Variants in TMEM52B observed in about 807,000 individuals in gnomAD.
TMEM52B encodes the protein transmembrane protein 52B.
In TMEM52B, 11 loss-of-function variants were observed where a neutral mutation model predicts 16.1. The observed-to-expected ratio is 0.68, with a 90% CI of 0.43 to 1.13. The LOEUF (loss-of-function observed/expected upper bound fraction) is 1.13. Among genes scored for constraint, TMEM52B ranks in the 50% most tolerant of loss-of-function variants. The pLI is 0.00. For missense variants in TMEM52B, 243 were observed against 230.4 expected (o/e 1.05, Z -0.35); for synonymous variants, 101 against 93.8 (o/e 1.08, Z -0.45).
At chr12:10,178,132 T>G (rs1948781674), upstream of TMEM52B, among the ~76,000 whole-genome samples, 1 of 151,842 alleles carries the variant, frequency 6.6e-6, no homozygotes, top group Admixed American at 6.6e-5. Context: ...CTGGCCGAAG[T>G]TATCAGCCCG....
At chr12:10,173,550 G>GA (rs1565424159) in intron 1 of TMEM52B, among the ~76,000 whole-genome samples, 2 of 146,796 alleles carry the variant, frequency 1.4e-5, no homozygotes, top group African/African-American at 5.4e-5. Context: ...GAAGCTGAGG[G>GA]GGGGGGTGGA....
chr12:10,176,062 A>G (rs746207048), upstream of TMEM52B, among the ~76,000 whole-genome samples: 2 of 152,220 alleles, frequency 1.3e-5, no homozygotes, highest in Non-Finnish European at 2.9e-5. Context: ...CACAAGCTTA[A>G]TGGAACTGCA....
chr12:10,182,504 G>T, intron 1 of TMEM52B, 46 bp from the exon 2 acceptor site: 1 of 1,527,878 alleles, frequency 6.5e-7, no homozygotes, highest in Non-Finnish European at 8.8e-7. Context: ...GCTGAACACA[G>T]TGGCCAAAAC....
At chr12:10,183,334 T>C (rs1005710560) in intron 2 of TMEM52B, among the ~76,000 whole-genome samples, 4 of 152,186 alleles carry the variant, frequency 2.6e-5, no homozygotes, top group Non-Finnish European at 5.9e-5. Flanking sequence ...TGACACCTGC[T>C]TTCTGAGGTT....
chr12:10,175,571 A>G (rs950366542), upstream of TMEM52B: 1 of 152,246 alleles, frequency 6.6e-6, no homozygotes, highest in African/African-American at 2.4e-5. Flanking sequence ...AAAACATTCT[A>G]TGATAAACTG....
At chr12:10,184,457 T>C (rs1379143856) in intron 2 of TMEM52B, among the ~76,000 whole-genome samples, 4 of 152,030 alleles carry the variant, frequency 2.6e-5, no homozygotes, top group Admixed American at 2.6e-4. Flanking sequence ...GACTGAGTCC[T>C]CACCCTATGG....
In TMEM52B at chr12:10,189,991, C is replaced by A; in HGVS notation, c.403C>A (p.Leu135Ile). Reference protein sequence around the residue: ...LGQLPSSLDTLPGYEEALHMS... With the variant: ...LGQLPSSLDTIPGYEEALHMS... ...CCAGCTGCCCTCCTCTTTGGACACC[C>A]TCCCAGGGTATGAAGAAGCTCTTCA... Residue 135 changes from leucine (L) to isoleucine (I), a missense_variant, in exon 5 of 5, where the codon CTC (leucine) becomes ATC (isoleucine). By Grantham distance (5) the Leu-to-Ile change is conservative. Coordinates refer to ENST00000543484, the MANE Select transcript of TMEM52B (RefSeq NM_001384896.1). 2 of 1,614,200 alleles carry A rather than the reference C, an allele frequency of 1.2e-6. No individual in the cohort carries two copies. The highest frequency in any genetic ancestry group is 1.7e-6 in the Non-Finnish European group (2 of 1,180,042).
chr12:10,189,397 G>T (rs913020563), intron 4 of TMEM52B, among the ~76,000 whole-genome samples: 1 of 151,994 alleles, frequency 6.6e-6, no homozygotes, highest in Non-Finnish European at 1.5e-5. Flanking sequence ...GCCAAGGCGG[G>T]TGGATCACCT....
chr12:10,181,453 C>T (rs1482255826), intron 1 of TMEM52B, among the ~76,000 whole-genome samples: 1 of 151,850 alleles, frequency 6.6e-6, no homozygotes, highest in Non-Finnish European at 1.5e-5. Context: ...CCTCAACCTC[C>T]AGAGTAGCTG....
chr12:10,171,582 T>G (rs1180528899), intron 1 of TMEM52B, among the ~76,000 whole-genome samples: 1 of 152,204 alleles, frequency 6.6e-6, no homozygotes, highest in African/African-American at 2.4e-5. Context: ...TCCCGAGCCC[T>G]CCGATGTATA....
In TMEM52B at chr12:10,186,400, C is replaced by T. The variant is rs866681042; in HGVS notation, c.138-20C>T. ...AAAGCCAGATCCCAGAGCTCCCACTCGCCCCGTGGGCTTTTGCAGGTTGCT... is the reference window on the plus strand; with the variant it reads ...AAAGCCAGATCCCAGAGCTCCCACTTGCCCCGTGGGCTTTTGCAGGTTGCT... On this transcript the variant is annotated intron_variant, in intron 3 of 4. Coordinates refer to ENST00000543484, the MANE Select transcript of TMEM52B (RefSeq NM_001384896.1). The T allele has an allele frequency of 3.3e-5, 52 of 1,582,822 alleles. No homozygotes were observed. In the Middle Eastern group the frequency reaches 5.6e-4, roughly 17 times the overall value.
intron 1 of TMEM52B, among the ~76,000 whole-genome samples, chr12:10,172,762 A>G (rs1426861345): frequency 6.6e-6 from 1 of 152,208 alleles, no homozygotes; most frequent in Non-Finnish European, 1.5e-5. Context: ...ATCTTGGGAA[A>G]TCTTAATACT....
At chr12:10,188,080 G>C (rs1450049008) in intron 4 of TMEM52B, among the ~76,000 whole-genome samples, 1 of 151,604 alleles carries the variant, frequency 6.6e-6, no homozygotes, top group African/African-American at 2.4e-5. Context: ...GCCTGGGTGA[G>C]CGACAGAGAA....
chr12:10,182,506 G>T, intron 1 of TMEM52B, 44 bp from the exon 2 acceptor site: 1 of 1,528,480 alleles, frequency 6.5e-7, no homozygotes, highest in South Asian at 1.2e-5. Context: ...TGAACACAGT[G>T]GCCAAAACAA....
At chr12:10,188,230 C>A (rs1035819195) in intron 4 of TMEM52B, among the ~76,000 whole-genome samples, 5 of 151,800 alleles carry the variant, frequency 3.3e-5, no homozygotes, top group Admixed American at 6.6e-5. Context: ...CAGTCCAAGG[C>A]GGGCAGATCA....
At chr12:10,187,561 C>A (rs540050372) in intron 4 of TMEM52B, among the ~76,000 whole-genome samples, 1 of 152,044 alleles carries the variant, frequency 6.6e-6, no homozygotes, top group East Asian at 1.9e-4. Flanking sequence ...GCCACCACCA[C>A]ACCAGGCTAT....
At chr12:10,186,666 C>T (rs1948883927) in intron 4 of TMEM52B, 77 bp downstream of exon 4, 12 of 1,354,806 alleles carry the variant, frequency 8.9e-6, no homozygotes, top group Non-Finnish European at 1.1e-5. Flanking sequence ...AGGTGTAGAA[C>T]CACTGATCGA....
chr12:10,170,625 G>A (rs1016890898), exon 1 of TMEM52B: 1 of 151,460 alleles, frequency 6.6e-6, no homozygotes, highest in Non-Finnish European at 1.5e-5. Flanking sequence ...CTGAGCAGCT[G>A]GGATTGCAGC....
chr12:10,183,489 T>C (rs937177735), intron 2 of TMEM52B, among the ~76,000 whole-genome samples: 5 of 152,146 alleles, frequency 3.3e-5, no homozygotes, highest in Non-Finnish European at 7.4e-5. Flanking sequence ...ATATTTTCTA[T>C]AAATGTGTGA....
Sources: allele counts gnomAD v4.1 joint callset (sites outside exome capture counted in the v4.1 genomes callset), GRCh38; gene constraint gnomAD v4.1.1; transcripts MANE v1.5; gene names NCBI Gene and HGNC (gene_info 2026-07-23, HGNC 2026-07-21).